OGFRL1: variants seen among roughly 807,000 people sequenced by gnomAD.
OGFRL1 encodes opioid growth factor receptor-like protein 1.
OGFRL1 carries 26 observed loss-of-function variants against 32.4 expected under a neutral mutation model. The ratio of observed to expected loss-of-function variants is 0.80; its 90% CI spans 0.59 to 1.11. The LOEUF is 1.11. Among genes scored for constraint, OGFRL1 ranks in the 50% most tolerant of loss-of-function variants. The pLI, the probability that OGFRL1 is intolerant of heterozygous loss-of-function variation, is 0.00. For synonymous variants in OGFRL1, 211 were observed against 201.2 expected (o/e 1.05, Z -0.41); for missense variants, 521 against 546.4 (o/e 0.95, Z 0.46).
Position 71,301,985 on chromosome 6 carries a change from A to G in OGFRL1, c.1292A>G (p.Asn431Ser). Residue 431 changes from asparagine to serine, a missense_variant, in exon 7 of 7, where the codon AAT (asparagine) becomes AGT (serine). Physicochemically the swap from Asn to Ser is conservative, Grantham distance 46. Transcript: ENST00000370435. Reference protein sequence around the residue: ...VSPENNEEGGNDNQDNENPGN... With the variant: ...VSPENNEEGGSDNQDNENPGN... ...CCTGAGAATAACGAAGAAGGTGGAA[A>G]TGATAACCAAGACAATGAAAATCCT... 1 of 1,605,638 alleles carries G rather than the reference A, an allele frequency of 6.2e-7. No homozygotes were observed. Among genetic ancestry groups the G allele is most frequent in the Non-Finnish European group, 8.5e-7 (1 of 1,177,736 alleles).
intron 6 of OGFRL1, among the ~76,000 whole-genome samples, chr6:71,298,528 A>T (rs1448341185): frequency 6.6e-6 from 1 of 152,192 alleles, no homozygotes; most frequent in Admixed American, 6.5e-5. Context: ...GAGTTTTGTT[A>T]TCATATCCTC....
chr6:71,297,094 C>G (rs755557491), intron 6 of OGFRL1, among the ~76,000 whole-genome samples: 13 of 152,196 alleles, frequency 8.5e-5, no homozygotes, highest in Non-Finnish European at 1.6e-4. Context: ...TGTTGCTTCT[C>G]TCCCTCCTCC....
intron 3 of OGFRL1, among the ~76,000 whole-genome samples, 161 bp from the exon 4 acceptor site, chr6:71,296,156 G>A (rs150154478): frequency 7.9e-5 from 12 of 152,106 alleles, no homozygotes; most frequent in African/African-American, 1.2e-4. Context: ...TCACATAACC[G>A]AATATATGGG....
intron 1 of OGFRL1, 38 bp from the exon 2 acceptor site, chr6:71,293,255 G>C (rs1185337856): frequency 6.6e-7 from 1 of 1,523,422 alleles, no homozygotes. Context: ...AAATTATCTT[G>C]CGTCAACATG....
rs1327682299 is a variant in OGFRL1, at chr6:71,304,546, TATG to T, written c.*2500_*2502del. ...ATAGTAAAAGATTGTGACCAGATAT[TATG>T]ATATTAATAAAGTTACCAGATACTA... On this transcript the variant is annotated 3_prime_UTR_variant, in exon 7 of 7. Coordinates refer to ENST00000370435, the MANE Select transcript of OGFRL1 (RefSeq NM_024576.5). 2.0e-5 allele frequency: 3 copies of T among 152,210 alleles called. No individual in the cohort carries two copies. Among genetic ancestry groups the T allele is most frequent in the East Asian group, 1.9e-4 (1 of 5,152 alleles). The allele number at this position is 152,210 out of a possible 1,614,324, so 9.4% of individuals were successfully genotyped here. A position where few individuals can be genotyped will look rare whatever the true frequency, so the allele number is the denominator to read the frequency against.
intron 3 of OGFRL1, among the ~76,000 whole-genome samples, chr6:71,294,693 T>C (rs1476357446): frequency 1.3e-5 from 2 of 152,216 alleles, no homozygotes; most frequent in Non-Finnish European, 2.9e-5. Flanking sequence ...CTGGATAAAA[T>C]TGCACAGTTA....
intron 1 of OGFRL1, 106 bp from the exon 2 acceptor site, chr6:71,293,187 C>A: frequency 1.2e-6 from 1 of 835,252 alleles, no homozygotes; most frequent in Non-Finnish European, 2.0e-6. Context: ...GACAGATTGA[C>A]AATTTTCAGG....
chr6:71,296,547 A>G lies in OGFRL1; in HGVS notation c.532A>G (p.Thr178Ala), dbSNP rs2149354123. The change falls in exon 5 of 7, where the codon ACA becomes GCA. Residue 178 changes from threonine (T) to alanine (A), a missense_variant. Physicochemically the swap from Thr to Ala is moderately conservative, Grantham distance 58 (BLOSUM62 0). Transcript: ENST00000370435. ...GLNFYAKELT[T>A]YEIEEFKKTK... ...GAACTTCTATGCCAAAGAACTAACT[A>G]CATATGAAATTGAGGTAATGCAAGC... The G allele has an allele frequency of 1.2e-6, 2 of 1,611,970 alleles. No individual in the cohort carries two copies. The highest frequency in any genetic ancestry group is 4.5e-5 in the East Asian group (2 of 44,822).
At chr6:71,295,987 T>C (rs537930662) in intron 3 of OGFRL1, among the ~76,000 whole-genome samples, 3 of 152,258 alleles carry the variant, frequency 2.0e-5, no homozygotes, top group Admixed American at 1.3e-4. Flanking sequence ...AAAACTGCCA[T>C]AGACAGTACA....
At position 71,289,174 on chromosome 6, in the gene OGFRL1, C is replaced by T; in HGVS notation, c.234+4C>T. ...CGAGGCGGCGGGCGCCGAGCAGGTA[C>T]GCGGCCCAGCGGTGGCCTCGGGTCG... On this transcript the variant is annotated splice_donor_region_variant and intron_variant, in intron 1 of 6. Transcript: ENST00000370435. The T allele has an allele frequency of 9.3e-7, 1 of 1,069,794 alleles. No homozygotes were observed. Among genetic ancestry groups the T allele is most frequent in the Non-Finnish European group, 1.1e-6 (1 of 887,208 alleles). 66.3% of individuals were successfully genotyped at this position (1,069,794 alleles called of 1,614,324 possible).
intron 6 of OGFRL1, among the ~76,000 whole-genome samples, chr6:71,299,941 T>C (rs1766331613): frequency 6.6e-6 from 1 of 152,184 alleles, no homozygotes; most frequent in South Asian, 2.1e-4. Context: ...TTTCCAGTGT[T>C]TGGTTAGTAT....
intron 1 of OGFRL1, 116 bp downstream of exon 1, chr6:71,289,286 C>T (rs1361318647): frequency 2.0e-6 from 2 of 1,010,894 alleles, no homozygotes; most frequent in African/African-American, 3.5e-5. Flanking sequence ...CTGCTCGCCG[C>T]TGCGACCCGA....
Position 71,304,320 on chromosome 6 carries a change from C to A in OGFRL1, c.*2271C>A, listed in dbSNP as rs1345896580. The A allele has an allele frequency of 1.3e-5, 2 of 152,084 alleles. No homozygotes were observed. Among genetic ancestry groups the A allele is most frequent in the Non-Finnish European group, 2.9e-5 (2 of 67,986 alleles). 9.4% of individuals were successfully genotyped at this position (152,084 alleles called of 1,614,324 possible). On this transcript the variant is annotated 3_prime_UTR_variant, in exon 7 of 7. Transcript: ENST00000370435. ...CTTTTGCATTTCAATTTCTGTTTTA[C>A]ATGCAAGAAAAACATGGACACTCTT...
In OGFRL1 at chr6:71,304,753, C is replaced by G. The variant is rs1766495932; in HGVS notation, c.*2704C>G. The G allele has an allele frequency of 6.6e-6, 1 of 152,044 alleles. No individual in the cohort carries two copies. Among genetic ancestry groups the G allele is most frequent in the African/African-American group, 2.4e-5 (1 of 41,452 alleles). The allele number at this position is 152,044 out of a possible 1,614,324, so 9.4% of individuals were successfully genotyped here. A position where few individuals can be genotyped will look rare whatever the true frequency, so the allele number is the denominator to read the frequency against. On this transcript the variant is annotated 3_prime_UTR_variant, in exon 7 of 7. Coordinates refer to ENST00000370435, the MANE Select transcript of OGFRL1 (RefSeq NM_024576.5). ...AAGAGAAACACTTCCTGGCATCCAT[C>G]TTAAATAGTGGCCTTTTCCCACTAT...
intron 3 of OGFRL1, chr6:71,295,883 C>A (rs1375415974): frequency 6.5e-6 from 1 of 153,218 alleles, no homozygotes; most frequent in Admixed American, 6.5e-5. Context: ...CTGGGATTGG[C>A]AAACTTTCTA....
At chr6:71,289,578 A>T in intron 1 of OGFRL1, 1 of 970,770 alleles carries the variant, frequency 1.0e-6, no homozygotes, top group Non-Finnish European at 1.2e-6. Context: ...AAAAAAAAAA[A>T]AATTACTCAG....
chr6:71,291,607 G>A (rs1282944917), intron 1 of OGFRL1: 1 of 152,234 alleles, frequency 6.6e-6, no homozygotes, highest in East Asian at 1.9e-4. Flanking sequence ...AAGGGGTCTG[G>A]GTAGAGAGTC....
rs191579069 is a variant in OGFRL1 at position 71,307,008 on chromosome 6, G to A, written c.*4959G>A. ...TTGCATTTTTCCTAGACTACAGAGAGTGTTCTTTGTCATTTTTTTTCCTAT... is the reference window on the plus strand; with the variant it reads ...TTGCATTTTTCCTAGACTACAGAGAATGTTCTTTGTCATTTTTTTTCCTAT... On this transcript the variant is annotated 3_prime_UTR_variant, in exon 7 of 7. Transcript: ENST00000370435. 9 of 152,248 alleles carry A rather than the reference G, an allele frequency of 5.9e-5. No homozygotes were observed. The East Asian group carries it at 7.7e-4, about 13-fold the overall frequency. 9.4% of individuals were successfully genotyped at this position (152,248 alleles called of 1,614,324 possible).
intron 1 of OGFRL1, among the ~76,000 whole-genome samples, chr6:71,290,622 AC>A (rs1042497408): frequency 7.9e-5 from 12 of 152,094 alleles, no homozygotes; most frequent in Non-Finnish European, 1.3e-4. Flanking sequence ...TCACCATCTG[AC>A]TTCCCCAAAA....
Sources: allele counts gnomAD v4.1 joint callset (sites outside exome capture counted in the v4.1 genomes callset), GRCh38; gene constraint gnomAD v4.1.1; transcripts MANE v1.5; gene names NCBI Gene and HGNC (gene_info 2026-07-23, HGNC 2026-07-21).